WWOX: variants seen among roughly 807,000 people sequenced by gnomAD.
WWOX encodes WW domain containing oxidoreductase.
WWOX carries 69 observed loss-of-function variants against 46.2 expected under a neutral mutation model. The observed-to-expected ratio is 1.49, with a 90% confidence interval of 1.23 to 1.82. The LOEUF (loss-of-function observed/expected upper bound fraction) is 1.82. Among genes scored for constraint, WWOX ranks in the 40% most tolerant of loss-of-function variants. The pLI, the probability that WWOX is intolerant of heterozygous loss-of-function variation, is 0.00. For missense variants in WWOX, 919 were observed against 542.6 expected, an observed-to-expected ratio of 1.69 and a Z score of -6.89; for synonymous variants, 359 against 202.6, an observed-to-expected ratio of 1.77 and a Z score of -6.56.
intron 8 of WWOX, among the ~76,000 whole-genome samples, chr16:78,878,944 A>G (rs1465299166): frequency 6.8e-6 from 1 of 147,508 alleles, no homozygotes. Context: ...GTACATGCCT[A>G]TAGTCTTAGC....
intron 8 of WWOX, among the ~76,000 whole-genome samples, chr16:79,141,568 T>G (rs1370779428): frequency 1.3e-5 from 2 of 152,268 alleles, no homozygotes; most frequent in Non-Finnish European, 2.9e-5. Context: ...TCTTTGGCTT[T>G]GTAGAAGGTC....
intron 8 of WWOX, among the ~76,000 whole-genome samples, chr16:78,815,939 C>G (rs993252572): frequency 2.6e-5 from 4 of 152,170 alleles, no homozygotes; most frequent in East Asian, 1.9e-4. Context: ...TGGCCCTGCT[C>G]TCTCTCGATG....
At chr16:79,128,359 G>T (rs994513073) in intron 8 of WWOX, among the ~76,000 whole-genome samples, 9 of 149,324 alleles carry the variant, frequency 6.0e-5, no homozygotes, top group African/African-American at 2.2e-4. Flanking sequence ...ATAGGTCTTA[G>T]AAGTGTGAAA....
At chr16:78,359,258 C>T (rs530903270) in intron 5 of WWOX, among the ~76,000 whole-genome samples, 2 of 152,142 alleles carry the variant, frequency 1.3e-5, no homozygotes, top group Admixed American at 1.3e-4. Context: ...GTTTGCTTGG[C>T]AATTTGTTCC....
At chr16:78,724,926 C>T (rs749204920) in intron 8 of WWOX, among the ~76,000 whole-genome samples, 20 of 152,104 alleles carry the variant, frequency 1.3e-4, no homozygotes, top group Non-Finnish European at 2.2e-4. Context: ...AGTAGTGATT[C>T]CAGGTACGTA....
In WWOX at chr16:78,682,339, C is replaced by T. The variant is rs192178289; in HGVS notation, c.1056+249587C>T. Among the ~76,000 whole-genome samples, 361 of 152,248 alleles carry T rather than the reference C, an allele frequency of 2.4e-3. 8 individuals carry two copies. The highest frequency in any genetic ancestry group is 0.02 in the Admixed American group (309 of 15,290). On this transcript the variant is annotated intron_variant, in intron 8 of 8. Transcript: ENST00000566780. ...TAAGTAGAGCCACTGAAAGATGGCTCACACCTTTCAGCTCAGTTTTTTTGT... is the reference window on the plus strand; with the variant it reads ...TAAGTAGAGCCACTGAAAGATGGCTTACACCTTTCAGCTCAGTTTTTTTGT...
At chr16:78,671,949 A>G (rs983727695) in intron 8 of WWOX, among the ~76,000 whole-genome samples, 2 of 152,078 alleles carry the variant, frequency 1.3e-5, no homozygotes, top group Admixed American at 6.6e-5. Flanking sequence ...TTGGCCTTCA[A>G]CTGGGTAGTG....
At chr16:78,446,274 G>C (rs2083559495) in intron 8 of WWOX, among the ~76,000 whole-genome samples, 1 of 152,198 alleles carries the variant, frequency 6.6e-6, no homozygotes, top group Admixed American at 6.5e-5. Context: ...TAGAGAGGAA[G>C]TATGGAAAGA....
chr16:78,423,865 T>A (rs1394897335), intron 6 of WWOX, among the ~76,000 whole-genome samples: 2 of 150,484 alleles, frequency 1.3e-5, no homozygotes, highest in African/African-American at 4.9e-5. Flanking sequence ...AAAAATTAAA[T>A]ATATACAAAA....
At chr16:78,838,288 C>T (rs1288807665) in intron 8 of WWOX, among the ~76,000 whole-genome samples, 1 of 152,064 alleles carries the variant, frequency 6.6e-6, no homozygotes, top group African/African-American at 2.4e-5. Context: ...GGTAGTTGGG[C>T]CATGGCGTTG....
chr16:78,866,322 C>T (rs529028148), intron 8 of WWOX, among the ~76,000 whole-genome samples: 1 of 152,130 alleles, frequency 6.6e-6, no homozygotes, highest in Non-Finnish European at 1.5e-5. Flanking sequence ...TCATTTCACT[C>T]TTTCTCCCTC....
intron 8 of WWOX, among the ~76,000 whole-genome samples, chr16:79,151,751 C>A (rs2050283802): frequency 6.6e-6 from 1 of 152,176 alleles, no homozygotes; most frequent in South Asian, 2.1e-4. Context: ...GCCTGACAGC[C>A]AGAGCCACCT....
rs546869291 is a variant in WWOX at position 78,696,350 on chromosome 16, G to C, written c.1056+263598G>C. Among the ~76,000 whole-genome samples, 9 of 152,294 alleles carry C rather than the reference G, an allele frequency of 5.9e-5. No homozygotes were observed. In the South Asian group the frequency reaches 1.9e-3, roughly 32 times the overall value. On this transcript the variant is annotated intron_variant, in intron 8 of 8. Transcript: ENST00000566780. ...ACCTGAGTACCAGGCAGGGTCCTAA[G>C]TGACTTCAGACTCTATAGACAGTCC...
At chr16:78,614,028 A>G (rs2045961112) in intron 8 of WWOX, among the ~76,000 whole-genome samples, 1 of 152,322 alleles carries the variant, frequency 6.6e-6, no homozygotes, top group East Asian at 1.9e-4. Context: ...CACAAAGCCT[A>G]AAATATTTAC....
intron 8 of WWOX, among the ~76,000 whole-genome samples, chr16:79,038,405 A>C (rs955550228): frequency 5.3e-5 from 8 of 152,200 alleles, no homozygotes; most frequent in Non-Finnish European, 1.2e-4. Context: ...TAATTATGGA[A>C]AAAATTACTA....
chr16:78,618,478 G>A (rs1437869470), intron 8 of WWOX, among the ~76,000 whole-genome samples: 2 of 152,020 alleles, frequency 1.3e-5, no homozygotes, highest in Non-Finnish European at 2.9e-5. Flanking sequence ...CATCCTTATG[G>A]CCTCTTCTTG....
At chr16:78,575,792 A>G (rs1431810615) in intron 8 of WWOX, among the ~76,000 whole-genome samples, 4 of 152,186 alleles carry the variant, frequency 2.6e-5, no homozygotes, top group Admixed American at 1.3e-4. Flanking sequence ...GAAGTTATCA[A>G]CATATAATGC....
chr16:79,028,101 C>T (rs934955384), intron 8 of WWOX, among the ~76,000 whole-genome samples: 1 of 151,734 alleles, frequency 6.6e-6, no homozygotes, highest in African/African-American at 2.4e-5. Flanking sequence ...CAGGCACCTG[C>T]CACGACGCCT....
chr16:78,917,691 A>C (rs1375271830), intron 8 of WWOX, among the ~76,000 whole-genome samples: 3 of 151,526 alleles, frequency 2.0e-5, no homozygotes, highest in Admixed American at 6.6e-5. Flanking sequence ...GGCTGTGACT[A>C]CTCGTGGGCA....
Sources: gnomAD v4.1 joint callset for allele counts (sites outside exome capture counted in the v4.1 genomes callset) on GRCh38, gnomAD v4.1.1 for gene constraint, MANE v1.5 for transcripts, NCBI Gene and HGNC (gene_info 2026-07-23, HGNC 2026-07-21) for gene names.